TBC1D4: variants seen among roughly 807,000 people sequenced by gnomAD.
TBC1D4 encodes TBC (Tre-2, BUB2, CDC16) domain-containing protein.
TBC1D4 carries 121 observed loss-of-function variants against 142.5 expected under a neutral mutation model. That is an observed-to-expected ratio of 0.85 (90% CI 0.73 to 0.99). TBC1D4 has a LOEUF of 0.99. Ranked by LOEUF, TBC1D4 falls within the 50% of genes least tolerant of loss-of-function variation. TBC1D4 has a pLI of 0.00. For missense variants in TBC1D4, 1,475 were observed against 1,606.6 expected, an observed-to-expected ratio of 0.92 and a Z score of 1.40; for synonymous variants, 630 against 628.2, an observed-to-expected ratio of 1.00 and a Z score of -0.04.
intron 7 of TBC1D4, among the ~76,000 whole-genome samples, chr13:75,340,138 GT>G (rs35540808): frequency 1.3e-5 from 2 of 151,992 alleles, no homozygotes; most frequent in African/African-American, 2.4e-5. Flanking sequence ...CATTCATCAG[GT>G]TTTTTTGTCA....
At chr13:75,369,519 A>ACACACACCCC (rs1368633022) in intron 1 of TBC1D4, among the ~76,000 whole-genome samples, 48 of 139,174 alleles carry the variant, frequency 3.4e-4, no homozygotes, top group African/African-American at 1.0e-3. Context: ...ACACACACAC[A>ACACACACCCC]CACACAATCA....
Position 75,431,871 on chromosome 13 carries a change from G to A in TBC1D4, c.498+49399C>T, listed in dbSNP as rs1348256672. Reference sequence around the variant, plus strand: ...TGCACATAAAATTTTAAAACAGCTTGTTACCTATTAAGAAATATTGAGAGG... The same window carrying A: ...TGCACATAAAATTTTAAAACAGCTTATTACCTATTAAGAAATATTGAGAGG... On this transcript the variant is annotated intron_variant, in intron 1 of 20. Transcript: ENST00000377636. Among the ~76,000 whole-genome samples, 4 of 152,104 alleles carry A rather than the reference G, an allele frequency of 2.6e-5. No homozygotes were observed. The East Asian group carries it at 7.7e-4, about 29-fold the overall frequency.
chr13:75,434,296 G>C (rs139788178), intron 1 of TBC1D4, among the ~76,000 whole-genome samples: 6 of 152,164 alleles, frequency 3.9e-5, no homozygotes, highest in Admixed American at 3.3e-4. Flanking sequence ...TTAAAAGTGC[G>C]GAACATATAT....
At chr13:75,451,112 G>C (rs1247977816) in intron 1 of TBC1D4, among the ~76,000 whole-genome samples, 1 of 152,136 alleles carries the variant, frequency 6.6e-6, no homozygotes, top group African/African-American at 2.4e-5. Flanking sequence ...TTGCATTGCA[G>C]TGCGCATGAA....
chr13:75,471,564 C>T (rs1330494425), intron 1 of TBC1D4, among the ~76,000 whole-genome samples: 1 of 151,690 alleles, frequency 6.6e-6, no homozygotes, highest in Non-Finnish European at 1.5e-5. Context: ...ATGGTGAAAG[C>T]CAGTGTTTAC....
intron 1 of TBC1D4, among the ~76,000 whole-genome samples, chr13:75,423,838 G>A (rs1201901028): frequency 1.3e-5 from 2 of 152,196 alleles, no homozygotes; most frequent in Non-Finnish European, 2.9e-5. Context: ...GGTGGACAAA[G>A]GGGAGTTGTT....
chr13:75,337,594 A>G (rs1403904316), intron 7 of TBC1D4, among the ~76,000 whole-genome samples: 1 of 152,182 alleles, frequency 6.6e-6, no homozygotes, highest in African/African-American at 2.4e-5. Context: ...TATGTATTTT[A>G]TCCATTGAAG....
At chr13:75,455,572 A>T (rs9573544) in intron 1 of TBC1D4, among the ~76,000 whole-genome samples, 4,261 of 152,204 alleles carry the variant, frequency 0.028, 216 homozygotes, top group East Asian at 0.23. Context: ...TAGAATTTTT[A>T]AAATATATAC....
intron 20 of TBC1D4, among the ~76,000 whole-genome samples, chr13:75,287,970 C>T (rs1874868629): frequency 6.6e-6 from 1 of 152,178 alleles, no homozygotes; most frequent in Admixed American, 6.5e-5. Context: ...TGCTAGCCCC[C>T]ATCCTGTGAT....
intron 3 of TBC1D4, 75 bp from the exon 4 acceptor site, chr13:75,356,326 A>C (rs1882046117): frequency 8.7e-6 from 9 of 1,036,002 alleles, no homozygotes; most frequent in Non-Finnish European, 1.2e-5. Context: ...GGAAAGCAAC[A>C]TCAGTTCTTT....
At chr13:75,420,917 G>GA (rs1886138888) in intron 1 of TBC1D4, among the ~76,000 whole-genome samples, 1 of 152,088 alleles carries the variant, frequency 6.6e-6, no homozygotes, top group South Asian at 2.1e-4. Flanking sequence ...TGAGTGAACA[G>GA]AAAAGACCAA....
rs765181742 is a variant in TBC1D4 at position 75,341,199 on chromosome 13, GTTCATTTTCTTCCTGGTCACTGACTGGC to G, written c.1509_1536del (p.Lys503AsnfsTer3). ...AGCTGCCTCAGGTGTAAAATCACAA[GTTCATTTTCTTCCTGGTCACTGACTGGC>G]TTCATTTTCTGTTCAACAGACAAAC... On this transcript the variant is annotated frameshift_variant, in exon 7 of 21. Transcript: ENST00000377636. LOFTEE classifies it high-confidence loss of function. The G allele has an allele frequency of 6.2e-7, 1 of 1,613,560 alleles. No homozygotes were observed. Among genetic ancestry groups the G allele is most frequent in the Non-Finnish European group, 8.5e-7 (1 of 1,179,896 alleles).
intron 1 of TBC1D4, among the ~76,000 whole-genome samples, chr13:75,437,918 A>C (rs924026914): frequency 1.3e-5 from 2 of 152,192 alleles, no homozygotes; most frequent in African/African-American, 4.8e-5. Context: ...GCCTGATATT[A>C]CTAAAAATCT....
chr13:75,356,858 TA>T (rs549546698), intron 3 of TBC1D4, among the ~76,000 whole-genome samples: 2 of 152,060 alleles, frequency 1.3e-5, no homozygotes, highest in Middle Eastern at 3.4e-3. Flanking sequence ...TATATCCCAT[TA>T]AAAAAAATCA....
intron 14 of TBC1D4, among the ~76,000 whole-genome samples, chr13:75,308,830 G>A (rs1157684156): frequency 3.9e-5 from 6 of 152,150 alleles, no homozygotes; most frequent in Admixed American, 3.9e-4. Flanking sequence ...AAGAAAAGAA[G>A]ATGTATTTCC....
chr13:75,430,341 T>C (rs1248873518), intron 1 of TBC1D4, among the ~76,000 whole-genome samples: 1 of 152,228 alleles, frequency 6.6e-6, no homozygotes, highest in East Asian at 1.9e-4. Context: ...CATTTAGCAT[T>C]GTTTCATTTC....
rs367587442 is a variant in TBC1D4 at position 75,360,706 on chromosome 13, T to C, written c.1081-848A>G. On this transcript the variant is annotated intron_variant, in intron 2 of 20. Coordinates refer to ENST00000377636, the MANE Select transcript of TBC1D4 (RefSeq NM_014832.5). ...ACATTTGTGTTCTGTGTGGGATTAC[T>C]TCTGCAGGAGAACATCACATTTTCT... 2.0e-5 allele frequency among the ~76,000 whole-genome samples: 3 copies of C among 152,220 alleles called. No homozygotes were observed. The East Asian group carries it at 5.8e-4, about 29-fold the overall frequency.
intron 1 of TBC1D4, among the ~76,000 whole-genome samples, chr13:75,451,784 T>C (rs1326274368): frequency 2.0e-5 from 3 of 149,360 alleles, no homozygotes; most frequent in Non-Finnish European, 4.4e-5. Flanking sequence ...GTAATAAATA[T>C]AATATACACT....
chr13:75,383,073 A>G (rs9573534), intron 1 of TBC1D4, among the ~76,000 whole-genome samples: 15 of 152,206 alleles, frequency 9.9e-5, no homozygotes, highest in Non-Finnish European at 2.1e-4. Flanking sequence ...CATAATCCCA[A>G]CATATCGGGA....
Sources: gnomAD v4.1 joint callset for allele counts (sites outside exome capture counted in the v4.1 genomes callset) on GRCh38, gnomAD v4.1.1 for gene constraint, MANE v1.5 for transcripts, NCBI Gene and HGNC (gene_info 2026-07-23, HGNC 2026-07-21) for gene names.